The following SUCLG2 variants were observed in gnomAD, a reference collection of about 807,000 sequenced individuals.
SUCLG2 encodes the protein succinate-CoA ligase GDP-forming subunit beta, also known as succinate--CoA ligase [GDP-forming] subunit beta, mitochondrial.
Under a neutral mutation model 47.9 loss-of-function variants are expected in SUCLG2, and 42 were observed. The ratio of observed to expected loss-of-function variants is 0.88; its 90% CI spans 0.69 to 1.14. SUCLG2 has a LOEUF of 1.14. Ranked by LOEUF, SUCLG2 falls within the 50% of genes most tolerant of loss-of-function variation. SUCLG2 has a pLI of 0.00. For missense variants in SUCLG2, 571 were observed against 525.9 expected, an observed-to-expected ratio of 1.09 and a Z score of -0.84; for synonymous variants, 195 against 197.3, an observed-to-expected ratio of 0.99 and a Z score of 0.10.
chr3:67,613,895 T>C (rs1287584862), intron 1 of SUCLG2, among the ~76,000 whole-genome samples: 4 of 152,178 alleles, frequency 2.6e-5, no homozygotes, highest in Non-Finnish European at 1.5e-5. Context: ...AGTAAAATAG[T>C]GTCCCTTTCG....
At chr3:67,516,143 G>A (rs1282127261) in intron 6 of SUCLG2, among the ~76,000 whole-genome samples, 2 of 152,086 alleles carry the variant, frequency 1.3e-5, no homozygotes, top group Non-Finnish European at 2.9e-5. Flanking sequence ...AAGCTGCTGA[G>A]AAAATGAAGA....
intron 9 of SUCLG2, among the ~76,000 whole-genome samples, chr3:67,492,149 G>A (rs901215201): frequency 2.0e-5 from 3 of 152,212 alleles, no homozygotes; most frequent in Admixed American, 6.5e-5. Flanking sequence ...CCAATGAGGT[G>A]CCTTTACTAA....
intron 9 of SUCLG2, among the ~76,000 whole-genome samples, chr3:67,460,179 T>C (rs559852912): frequency 6.6e-6 from 1 of 152,328 alleles, no homozygotes; most frequent in South Asian, 2.1e-4. Context: ...TGGTAGTAAA[T>C]CACTACTGAT....
intron 9 of SUCLG2, among the ~76,000 whole-genome samples, chr3:67,404,035 G>C (rs1261345974): frequency 6.6e-6 from 1 of 152,176 alleles, no homozygotes; most frequent in South Asian, 2.1e-4. Context: ...ACAGGCAGCT[G>C]CCACCACACC....
intron 1 of SUCLG2, among the ~76,000 whole-genome samples, chr3:67,614,879 C>G (rs1248014720): frequency 6.6e-6 from 1 of 152,040 alleles, no homozygotes; most frequent in East Asian, 1.9e-4. Context: ...AGCTTTTTTC[C>G]TTCCTTCACA....
chr3:67,478,877 A>G (rs1191849722), intron 9 of SUCLG2, among the ~76,000 whole-genome samples: 1 of 152,218 alleles, frequency 6.6e-6, no homozygotes, highest in Non-Finnish European at 1.5e-5. Flanking sequence ...TGGGTCACTT[A>G]AAGAATTTTC....
At chr3:67,531,889 C>A (rs1706415142) in intron 2 of SUCLG2, among the ~76,000 whole-genome samples, 1 of 152,034 alleles carries the variant, frequency 6.6e-6, no homozygotes, top group Non-Finnish European at 1.5e-5. Context: ...CAGTATTTAC[C>A]AAATTGATTC....
intron 6 of SUCLG2, among the ~76,000 whole-genome samples, chr3:67,515,663 C>T (rs1299678304): frequency 2.0e-5 from 3 of 152,084 alleles, no homozygotes; most frequent in Non-Finnish European, 4.4e-5. Context: ...TAAGGTACCT[C>T]TAAGATACTA....
At chr3:67,395,911 CT>C (rs1394200530) in intron 10 of SUCLG2, among the ~76,000 whole-genome samples, 4 of 152,164 alleles carry the variant, frequency 2.6e-5, no homozygotes, top group African/African-American at 7.2e-5. Flanking sequence ...CAACCTGCCC[CT>C]GAATGACTAC....
chr3:67,594,370 C>A (rs1708246709), intron 2 of SUCLG2, among the ~76,000 whole-genome samples: 1 of 152,216 alleles, frequency 6.6e-6, no homozygotes, highest in Non-Finnish European at 1.5e-5. Context: ...TTCTAAACTT[C>A]ATTCTCACCG....
At chr3:67,428,017 T>C (rs1237791912) in intron 9 of SUCLG2, among the ~76,000 whole-genome samples, 1 of 152,200 alleles carries the variant, frequency 6.6e-6, no homozygotes, top group Non-Finnish European at 1.5e-5. Context: ...TGCCTGCCTC[T>C]ATAGACTCCA....
At chr3:67,454,479 C>G (rs1045931400) in intron 9 of SUCLG2, among the ~76,000 whole-genome samples, 1 of 151,934 alleles carries the variant, frequency 6.6e-6, no homozygotes, top group Admixed American at 6.6e-5. Context: ...TAGTATTTAA[C>G]GATTTGCCAT....
At chr3:67,370,591 G>A (rs1198900647), downstream of SUCLG2, among the ~76,000 whole-genome samples, 2 of 151,998 alleles carry the variant, frequency 1.3e-5, no homozygotes, top group South Asian at 2.1e-4. Flanking sequence ...ACCACAGATA[G>A]TACCAAGCCC....
chr3:67,540,449 A>G (rs1166984362), intron 2 of SUCLG2, among the ~76,000 whole-genome samples: 1 of 150,758 alleles, frequency 6.6e-6, no homozygotes, highest in Non-Finnish European at 1.5e-5. Flanking sequence ...GACTGGGCAG[A>G]GCCCACCGCA....
intron 1 of SUCLG2, among the ~76,000 whole-genome samples, chr3:67,644,595 G>A (rs1396984590): frequency 1.3e-5 from 2 of 151,928 alleles, no homozygotes; most frequent in African/African-American, 4.8e-5. Context: ...ATATAACAAT[G>A]TCCGAGTATG....
chr3:67,633,380 G>A (rs1700958595), intron 1 of SUCLG2, among the ~76,000 whole-genome samples: 1 of 152,118 alleles, frequency 6.6e-6, no homozygotes, highest in African/African-American at 2.4e-5. Flanking sequence ...TTTACACAGA[G>A]GTCAAACCTT....
At chr3:67,582,794 T>G (rs1287551664) in intron 2 of SUCLG2, among the ~76,000 whole-genome samples, 4 of 152,156 alleles carry the variant, frequency 2.6e-5, no homozygotes, top group Non-Finnish European at 5.9e-5. Context: ...TTTGACTTTT[T>G]ACTAGTAGCC....
At chr3:67,635,246 A>T (rs1432279038) in intron 1 of SUCLG2, among the ~76,000 whole-genome samples, 2 of 152,222 alleles carry the variant, frequency 1.3e-5, no homozygotes, top group Non-Finnish European at 2.9e-5. Flanking sequence ...TTAAAAATTC[A>T]TATCAAATTC....
At chr3:67,474,065 T>C (rs967391312) in intron 9 of SUCLG2, among the ~76,000 whole-genome samples, 1 of 151,984 alleles carries the variant, frequency 6.6e-6, no homozygotes, top group African/African-American at 2.4e-5. Context: ...AGACCATCCT[T>C]GCTAACACGG....
Sources: allele counts gnomAD v4.1 joint callset (sites outside exome capture counted in the v4.1 genomes callset), GRCh38; gene constraint gnomAD v4.1.1; transcripts MANE v1.5; gene names NCBI Gene and HGNC (gene_info 2026-07-23, HGNC 2026-07-21).